PCDH12: variants seen among roughly 807,000 people sequenced by gnomAD.
PCDH12 encodes the protein protocadherin 12.
Under a neutral mutation model 70.9 loss-of-function variants are expected in PCDH12, and 45 were observed. The ratio of observed to expected loss-of-function variants is 0.63; its 90% CI spans 0.50 to 0.81. The LOEUF (loss-of-function observed/expected upper bound fraction) is 0.81, where lower values mean the gene tolerates loss of function less well. Ranked by LOEUF, PCDH12 falls within the 40% of genes least tolerant of loss-of-function variation. PCDH12 has a pLI of 0.00. For synonymous variants in PCDH12, 567 were observed against 626.0 expected (o/e 0.91, Z 1.41); for missense variants, 1,370 against 1,491.7 (o/e 0.92, Z 1.34).
At position 141,945,670 on chromosome 5, in the gene PCDH12, G is replaced by C; in HGVS notation, c.3266C>G (p.Thr1089Arg). 6.2e-7 allele frequency: 1 copy of C among 1,614,198 alleles called. No homozygotes were observed. Among genetic ancestry groups the C allele is most frequent in the African/African-American group, 1.3e-5 (1 of 75,056 alleles). ...CTCTGGTGCCTCTGCCTTGCCGAAC[G>C]TCTGGAAGGTCCTTGGCTCCTCCGT... is the stretch of plus-strand genomic sequence containing the variant. ...AATEEPRTFQ[T>R]FGKAEAPELS... is the part of the protein sequence containing the mutation. The change falls in exon 4 of 4, where the codon ACG (threonine) becomes AGG (arginine). Residue 1089 changes from threonine (T) to arginine (R), a missense_variant. Coordinates refer to ENST00000231484, the MANE Select transcript of PCDH12 (RefSeq NM_016580.4).
Position 141,955,271 on chromosome 5 carries a change from C to T in PCDH12, c.2581G>A (p.Glu861Lys). 1 of 1,614,186 alleles carries T rather than the reference C, an allele frequency of 6.2e-7. No homozygotes were observed. Among genetic ancestry groups the T allele is most frequent in the South Asian group, 1.1e-5 (1 of 91,088 alleles). The change falls in exon 1 of 4, where the codon GAG becomes AAG. Residue 861 changes from glutamate (E) to lysine (K), a missense_variant. Transcript: ENST00000231484. This position sits in a 1 kb window ranked among gnomAD's most constrained non-coding sequence, Gnocchi z 5.5. ...TGGGGCTCGGGAAGGTTCAGGTTCTCCCGGGAGGCATTCCTCTGCCTGGGA... is the reference window on the plus strand; with the variant it reads ...TGGGGCTCGGGAAGGTTCAGGTTCTTCCGGGAGGCATTCCTCTGCCTGGGA... ...NHPRQRNASR[E>K]NLNLPEPQPA... is the part of the protein sequence containing the mutation.
intron 2 of PCDH12, among the ~76,000 whole-genome samples, chr5:141,950,241 T>G (rs1753051718): frequency 6.6e-6 from 1 of 152,152 alleles, no homozygotes; most frequent in Non-Finnish European, 1.5e-5. Context: ...TCCTGGTCCC[T>G]CTCTCCCATA....
rs1309437508 is a variant in PCDH12 at position 141,945,704 on chromosome 5, C to G, written c.3232G>C (p.Ala1078Pro). 6.2e-7 allele frequency: 1 copy of G among 1,614,202 alleles called. No individual in the cohort carries two copies. Among genetic ancestry groups the G allele is most frequent in the South Asian group, 1.1e-5 (1 of 91,086 alleles). ...NYRDNVISPD[A>P]AATEEPRTFQ... Reference sequence around the variant, plus strand: ...GTCCTTGGCTCCTCCGTGGCTGCAGCATCCGGGGAGATCACATTGTCACGG... The same window carrying G: ...GTCCTTGGCTCCTCCGTGGCTGCAGGATCCGGGGAGATCACATTGTCACGG... Residue 1078 changes from alanine (A) to proline (P), a missense_variant, in exon 4 of 4, where the codon GCT (alanine) becomes CCT (proline). By Grantham distance (27) the Ala-to-Pro change is conservative. Coordinates refer to ENST00000231484, the MANE Select transcript of PCDH12 (RefSeq NM_016580.4).
Position 141,945,261 on chromosome 5 carries a change from C to T in PCDH12, c.*120G>A. ...CTTGCCTCCTCTGTGGGGGTAGCAT[C>T]AGTCACCCTAAAGTTCTCAGGCCGC... On this transcript the variant is annotated 3_prime_UTR_variant, in exon 4 of 4. Transcript: ENST00000231484. 4 of 1,212,962 alleles carry T rather than the reference C, an allele frequency of 3.3e-6. No homozygotes were observed. Among genetic ancestry groups the T allele is most frequent in the Non-Finnish European group, 4.6e-6 (4 of 867,986 alleles). 75.1% of individuals were successfully genotyped at this position (1,212,962 alleles called of 1,614,324 possible). A position where few individuals can be genotyped will look rare whatever the true frequency, so the allele number is the denominator to read the frequency against.
At chr5:141,949,234 A>G (rs944715704) in intron 3 of PCDH12, 198 bp downstream of exon 3, 1 of 273,990 alleles carries the variant, frequency 3.6e-6, no homozygotes, top group Non-Finnish European at 5.4e-6. Context: ...GACCCTGTCT[A>G]AAAAAAAAAA....
Position 141,955,261 on chromosome 5 carries a change from T to C in PCDH12, c.2591A>G (p.Asn864Ser), listed in dbSNP as rs769608793. The C allele has an allele frequency of 3.1e-6, 5 of 1,613,948 alleles. No individual in the cohort carries two copies. Among genetic ancestry groups the C allele is most frequent in the Non-Finnish European group, 4.2e-6 (5 of 1,179,974 alleles). The part of the protein sequence containing the change: ...RQRNASRENL[N>S]LPEPQPATGQ... ...TGTGGCAGGCTGGGGCTCGGGAAGG[T>C]TCAGGTTCTCCCGGGAGGCATTCCT... Residue 864 changes from asparagine to serine, a missense_variant, in exon 1 of 4, where the codon AAC (asparagine) becomes AGC (serine). Physicochemically the swap from Asn to Ser is conservative, Grantham distance 46 (BLOSUM62 1). Transcript: ENST00000231484. The surrounding 1 kb of genome is among the most constrained non-coding windows in gnomAD (Gnocchi z 5.5).
chr5:141,945,822 G>A lies in PCDH12; in HGVS notation c.3131-17C>T, dbSNP rs747375908. ...GGGCCAGACCTGTGGGGGAAGGAGG[G>A]GACACAGTGAGGGCCAGGCTCCGGG... On this transcript the variant is annotated splice_polypyrimidine_tract_variant and intron_variant, in intron 3 of 3. Coordinates refer to ENST00000231484, the MANE Select transcript of PCDH12 (RefSeq NM_016580.4). The A allele has an allele frequency of 1.2e-6, 2 of 1,603,686 alleles. No individual in the cohort carries two copies. Among genetic ancestry groups the A allele is most frequent in the East Asian group, 4.5e-5 (2 of 44,802 alleles).
chr5:141,954,973 T>C lies in PCDH12; in HGVS notation c.2879A>G (p.Gln960Arg). The part of the protein sequence containing the change: ...EELTVDSPPV[Q>R]QISQLLSLLH... The stretch of plus-strand genomic sequence containing the variant: ...AAGAGCTGCCCATGCCCCAGGTACC[T>C]GAACAGGAGGAGAATCCACAGTGAG... Residue 960 changes from glutamine (Q) to arginine (R), a missense_variant and splice_region_variant, in exon 1 of 4, where the codon CAG becomes CGG. By Grantham distance (43) the Gln-to-Arg change is conservative (BLOSUM62 1). Transcript: ENST00000231484. 4.4e-6 allele frequency: 7 copies of C among 1,608,686 alleles called. No individual in the cohort carries two copies. Among genetic ancestry groups the C allele is most frequent in the Non-Finnish European group, 6.0e-6 (7 of 1,176,242 alleles).
Position 141,956,624 on chromosome 5 carries a change from A to G in PCDH12, c.1228T>C (p.Tyr410His). 3.1e-6 allele frequency: 5 copies of G among 1,614,168 alleles called. No homozygotes were observed. Among genetic ancestry groups the G allele is most frequent in the Non-Finnish European group, 4.2e-6 (5 of 1,180,042 alleles). ...AGTGTGGCATTGGTTAGCAACATGT[A>G]TGTGTTGCCATTAGTTCTTTTCAGC... ...FRLKRTNGNT[Y>H]MLLTNATLDR... Residue 410 changes from tyrosine to histidine, a missense_variant, in exon 1 of 4, where the codon TAC becomes CAC. Physicochemically the swap from Tyr to His is moderately conservative, Grantham distance 83. Transcript: ENST00000231484.
Position 141,955,998 on chromosome 5 carries a change from C to G in PCDH12, c.1854G>C (p.Leu618Phe). The G allele has an allele frequency of 1.2e-6, 2 of 1,614,194 alleles. No homozygotes were observed. Among genetic ancestry groups the G allele is most frequent in the Non-Finnish European group, 1.7e-6 (2 of 1,180,044 alleles). ...CTGCATCTCTTGCCACAATGGTTGTCAAAAGGAATGGCCGGGAGCTGTGAG... is the reference window on the plus strand; with the variant it reads ...CTGCATCTCTTGCCACAATGGTTGTGAAAAGGAATGGCCGGGAGCTGTGAG... ...LATHSSRPFLLTTIVARDADS... is the reference protein window; with the variant it reads ...LATHSSRPFLFTTIVARDADS... Residue 618 changes from leucine (L) to phenylalanine (F), a missense_variant, in exon 1 of 4, where the codon TTG (leucine) becomes TTC (phenylalanine). Leu to Phe is a conservative substitution (Grantham distance 22). Transcript: ENST00000231484. The surrounding 1 kb of genome is among the most constrained non-coding windows in gnomAD (Gnocchi z 5.5).
Position 141,955,710 on chromosome 5 carries a change from C to T in PCDH12, c.2142G>A (p.Met714Ile), listed in dbSNP as rs1461672174. ...CCAGGCAGATCACCGTCAGCATCGA[C>T]ATGCTCAAGGCCCCAGGCTTGCGGG... ...DSARKPGALS[M>I]SMLTVICLAV... is the part of the protein sequence containing the mutation. Residue 714 changes from methionine (M) to isoleucine (I), a missense_variant, in exon 1 of 4, where the codon ATG (methionine) becomes ATA (isoleucine). By Grantham distance (10) the Met-to-Ile change is conservative. Transcript: ENST00000231484. This position sits in a 1 kb window ranked among gnomAD's most constrained non-coding sequence, Gnocchi z 5.5. 2 of 1,614,068 alleles carry T rather than the reference C, an allele frequency of 1.2e-6. No individual in the cohort carries two copies. The highest frequency in any genetic ancestry group is 2.7e-5 in the African/African-American group (2 of 74,916).
Position 141,945,274 on chromosome 5 carries a change from G to T in PCDH12, c.*107C>A. The T allele has an allele frequency of 7.2e-7, 1 of 1,388,702 alleles. No homozygotes were observed. The allele number at this position is 1,388,702 out of a possible 1,614,324, so 86.0% of individuals were successfully genotyped here. On this transcript the variant is annotated 3_prime_UTR_variant, in exon 4 of 4. Coordinates refer to ENST00000231484, the MANE Select transcript of PCDH12 (RefSeq NM_016580.4). Reference sequence around the variant, plus strand: ...TGGGGGTAGCATCAGTCACCCTAAAGTTCTCAGGCCGCCGCTAGCTAGTGA... The same window carrying T: ...TGGGGGTAGCATCAGTCACCCTAAATTTCTCAGGCCGCCGCTAGCTAGTGA...
Position 141,949,049 on chromosome 5 carries a change from C to CAA in PCDH12, c.3130+381_3130+382dup, listed in dbSNP as rs5871796. 2.8e-3 allele frequency among the ~76,000 whole-genome samples: 394 copies of CAA among 140,812 alleles called. 2 individuals carry two copies. The highest frequency in any genetic ancestry group is 7.0e-3 in the African/African-American group (265 of 37,634). The allele number at this position is 140,812 out of a possible 152,430, so 92.4% of individuals were successfully genotyped here. On this transcript the variant is annotated intron_variant, in intron 3 of 3. Transcript: ENST00000231484. ...GGCAACAGGTGAATCCCTGTCCCTA[C>CAA]AAAAAAAAAAAAAAATCAAAAATTA...
At chr5:141,953,261 GA>G (rs1753119691) in intron 1 of PCDH12, 1 of 152,124 alleles carries the variant, frequency 6.6e-6, no homozygotes, top group African/African-American at 2.4e-5. Flanking sequence ...AGCATTCTGA[GA>G]AAATTACTCA....
rs1211985619 is a variant in PCDH12 at position 141,956,087 on chromosome 5, G to A, written c.1765C>T (p.Leu589=). The A allele has an allele frequency of 6.2e-7, 1 of 1,614,100 alleles. No homozygotes were observed. Among genetic ancestry groups the A allele is most frequent in the African/African-American group, 1.3e-5 (1 of 74,944 alleles). ...CCATTGGGAGTCTCGATGGGCACCA[G>A]CAGGTGGCCTGTGGAGGCATTCACA... ...VLVNASTGHL[L]VPIETPNGLG... The change falls in exon 1 of 4, where the codon CTG becomes TTG. Residue 589 remains leucine (L), a synonymous_variant. Coordinates refer to ENST00000231484, the MANE Select transcript of PCDH12 (RefSeq NM_016580.4).
chr5:141,951,459 C>G (rs1217730108), intron 2 of PCDH12, 34 bp downstream of exon 2: 1 of 1,545,076 alleles, frequency 6.5e-7, no homozygotes, highest in Non-Finnish European at 8.9e-7. Flanking sequence ...CAGTAGGGGC[C>G]TTGAGATGCC....
At position 141,944,239 on chromosome 5, in the gene PCDH12, A is replaced by T. The variant is rs1254358725; in HGVS notation, c.*1142T>A. The stretch of plus-strand genomic sequence containing the variant: ...GATTCACAAGCCTGAACCTGCAATG[A>T]CAGAGGAAGGTTTACCCGCAAATGG... On this transcript the variant is annotated 3_prime_UTR_variant, in exon 4 of 4. Transcript: ENST00000231484. 6.6e-6 allele frequency: 1 copy of T among 152,246 alleles called. No individual in the cohort carries two copies. Among genetic ancestry groups the T allele is most frequent in the African/African-American group, 2.4e-5 (1 of 41,450 alleles). The allele number at this position is 152,246 out of a possible 1,614,324, so 9.4% of individuals were successfully genotyped here.
Position 141,956,768 on chromosome 5 carries a change from G to A in PCDH12, c.1084C>T (p.Leu362=). The change falls in exon 1 of 4, where the codon CTG becomes TTG. Residue 362 remains leucine, a synonymous_variant. Coordinates refer to ENST00000231484, the MANE Select transcript of PCDH12 (RefSeq NM_016580.4). Reference sequence around the variant, plus strand: ...TCCTTGGGAAGAGCTTCTGACACCAGTGATGGCTGGGAGGCCCATGTGACG... The same window carrying A: ...TCCTTGGGAAGAGCTTCTGACACCAATGATGGCTGGGAGGCCCATGTGACG... ...IHVTWASQPS[L]VSEALPKDSF... is the part of the protein sequence containing the mutation. 2.5e-6 allele frequency: 4 copies of A among 1,614,244 alleles called. No individual in the cohort carries two copies. Among genetic ancestry groups the A allele is most frequent in the Non-Finnish European group, 3.4e-6 (4 of 1,180,052 alleles).
Position 141,957,305 on chromosome 5 carries a change from C to T in PCDH12, c.547G>A (p.Asp183Asn), listed in dbSNP as rs1271961167. ...TLSPSEHFAL[D>N]VIVGPDETKH... ...GTCTCATCAGGGCCCACAATGACATCCAAGGCAAAGTGCTCACTGGGAGAC... is the reference window on the plus strand; with the variant it reads ...GTCTCATCAGGGCCCACAATGACATTCAAGGCAAAGTGCTCACTGGGAGAC... Residue 183 changes from aspartate (D) to asparagine (N), a missense_variant, in exon 1 of 4, where the codon GAT (aspartate) becomes AAT (asparagine). By Grantham distance (23) the Asp-to-Asn change is conservative. Transcript: ENST00000231484. The surrounding 1 kb of genome is among the most constrained non-coding windows in gnomAD (Gnocchi z 4.3). The T allele has an allele frequency of 6.8e-6, 11 of 1,613,138 alleles. No individual in the cohort carries two copies. In the South Asian group the frequency reaches 1.1e-4, roughly 16 times the overall value.
Sources: allele counts gnomAD v4.1 joint callset (sites outside exome capture counted in the v4.1 genomes callset), GRCh38; gene constraint gnomAD v4.1.1; non-coding constraint Gnocchi (gnomAD v3.1); transcripts MANE v1.5; gene names NCBI Gene and HGNC (gene_info 2026-07-23, HGNC 2026-07-21).